Variants in PLCL2 observed in about 807,000 individuals in gnomAD.
The protein encoded by PLCL2 is phospholipase C like 2, also known as inactive phospholipase C-like protein 2.
A neutral mutation model predicts 79.6 loss-of-function variants in PLCL2; 4 were observed. That is an observed-to-expected ratio of 0.05 (90% CI 0.02 to 0.11). The LOEUF (loss-of-function observed/expected upper bound fraction) is 0.11, where lower values mean the gene tolerates loss of function less well. PLCL2 is among the 10% of genes least tolerant of loss of function. The probability of loss-of-function intolerance (pLI) is 1.00; values close to 1 mark genes in which losing one functional copy is unlikely to be tolerated. For missense variants in PLCL2, 895 were observed against 1,291.0 expected (o/e 0.69, Z 4.70); for synonymous variants, 484 against 457.7 (o/e 1.06, Z -0.73).
intron 1 of PLCL2, among the ~76,000 whole-genome samples, chr3:16,911,230 G>T (rs1289014560): frequency 2.8e-5 from 4 of 144,790 alleles, no homozygotes; most frequent in African/African-American, 7.8e-5. Flanking sequence ...TCCAGCCTGG[G>T]CCACAGAGCA....
At chr3:16,996,173 C>T (rs899963821) in intron 1 of PLCL2, among the ~76,000 whole-genome samples, 1 of 152,094 alleles carries the variant, frequency 6.6e-6, no homozygotes, top group African/African-American at 2.4e-5. Flanking sequence ...TAGAAAGAAG[C>T]AAAACACTGA....
At chr3:16,909,058 T>C (rs1696814946) in intron 1 of PLCL2, among the ~76,000 whole-genome samples, 1 of 152,210 alleles carries the variant, frequency 6.6e-6, no homozygotes, top group South Asian at 2.1e-4. Flanking sequence ...AGACCATGGT[T>C]ATCAGTGTGT....
At chr3:16,956,210 C>A (rs1340570337) in intron 1 of PLCL2, among the ~76,000 whole-genome samples, 2 of 152,114 alleles carry the variant, frequency 1.3e-5, no homozygotes, top group East Asian at 1.9e-4. Context: ...CCCATCAATA[C>A]CTAATTTATT....
intron 1 of PLCL2, among the ~76,000 whole-genome samples, chr3:16,966,774 A>G (rs1417171343): frequency 6.6e-6 from 1 of 151,846 alleles, no homozygotes; most frequent in African/African-American, 2.4e-5. Flanking sequence ...GAATTTATCC[A>G]TTTCTTCTAG....
intron 1 of PLCL2, among the ~76,000 whole-genome samples, chr3:16,913,686 T>A (rs1217588937): frequency 6.6e-6 from 1 of 152,122 alleles, no homozygotes; most frequent in Non-Finnish European, 1.5e-5. Context: ...TATGAATATA[T>A]AAATATATTT....
At chr3:16,981,141 G>C (rs1428827743) in intron 1 of PLCL2, among the ~76,000 whole-genome samples, 1 of 128,556 alleles carries the variant, frequency 7.8e-6, no homozygotes, top group East Asian at 2.3e-4. Flanking sequence ...AGAGGGAGAG[G>C]GAGACTCGGG....
intron 4 of PLCL2, among the ~76,000 whole-genome samples, chr3:17,053,728 A>G (rs1204452661): frequency 6.6e-6 from 1 of 152,150 alleles, no homozygotes; most frequent in Non-Finnish European, 1.5e-5. Context: ...CCGTTTCGAA[A>G]GGGAGAAATC....
intron 1 of PLCL2, among the ~76,000 whole-genome samples, chr3:17,002,457 G>A (rs928197944): frequency 6.6e-6 from 1 of 152,140 alleles, no homozygotes; most frequent in African/African-American, 2.4e-5. Context: ...TTAGAGGAAA[G>A]ACTTTGAATT....
intron 1 of PLCL2, among the ~76,000 whole-genome samples, chr3:16,953,321 T>A (rs1361799966): frequency 1.3e-5 from 2 of 152,176 alleles, no homozygotes; most frequent in East Asian, 3.8e-4. Context: ...TTTCACTTCA[T>A]GTATTTCTAT....
intron 3 of PLCL2, among the ~76,000 whole-genome samples, chr3:17,017,648 G>T (rs1447183751): frequency 6.6e-6 from 1 of 152,138 alleles, no homozygotes; most frequent in Admixed American, 6.6e-5. Flanking sequence ...CATGTATAAT[G>T]TATGGAGGCG....
rs544863881 is a variant in PLCL2, at chr3:16,912,112, T to G, written c.327+26746T>G. Among the ~76,000 whole-genome samples the G allele has an allele frequency of 1.6e-4, 24 of 152,294 alleles. No individual in the cohort carries two copies. The South Asian group carries it at 5.0e-3, about 32-fold the overall frequency. ...CATTCCAGAGAAGGGATACTTAATATGTAGTAGTATATGGATGCCTTGCCT... is the reference window on the plus strand; with the variant it reads ...CATTCCAGAGAAGGGATACTTAATAGGTAGTAGTATATGGATGCCTTGCCT... On this transcript the variant is annotated intron_variant, in intron 1 of 5. Transcript: ENST00000615277.
chr3:16,889,810 A>G (rs1391228068), intron 1 of PLCL2, among the ~76,000 whole-genome samples: 1 of 152,230 alleles, frequency 6.6e-6, no homozygotes, highest in Non-Finnish European at 1.5e-5. Context: ...CACAGGTAAC[A>G]AACACTCAGT....
chr3:17,078,282 A>G (rs1364813468), intron 5 of PLCL2, among the ~76,000 whole-genome samples: 1 of 152,058 alleles, frequency 6.6e-6, no homozygotes, highest in Non-Finnish European at 1.5e-5. Context: ...ATGACTTCTC[A>G]TTTCTCGTGA....
intron 5 of PLCL2, among the ~76,000 whole-genome samples, chr3:17,083,629 T>C (rs942833180): frequency 6.6e-6 from 1 of 152,246 alleles, no homozygotes; most frequent in South Asian, 2.1e-4. Flanking sequence ...AGAAAGATTA[T>C]GGTGGCTTAA....
At chr3:16,920,556 G>A (rs1039337038) in intron 1 of PLCL2, among the ~76,000 whole-genome samples, 4 of 152,110 alleles carry the variant, frequency 2.6e-5, no homozygotes, top group Admixed American at 2.0e-4. Context: ...GAGAGATAAC[G>A]AGAGCAAGTG....
rs997679499 is a variant in PLCL2, at chr3:17,059,494, A to G, written c.3095-8462A>G. Among the ~76,000 whole-genome samples, 6 of 143,174 alleles carry G rather than the reference A, an allele frequency of 4.2e-5. No individual in the cohort carries two copies. In the East Asian group the frequency reaches 1.0e-3, roughly 25 times the overall value. 93.9% of individuals were successfully genotyped at this position (143,174 alleles called of 152,430 possible). A position where few individuals can be genotyped will look rare whatever the true frequency, so the allele number is the denominator to read the frequency against. ...TGTATTTCTGTATATATGAGTGTAT[A>G]TGTGTGTATATATACACACATATAC... On this transcript the variant is annotated intron_variant, in intron 4 of 5. Transcript: ENST00000615277.
chr3:16,966,529 T>G (rs1355768945), intron 1 of PLCL2, among the ~76,000 whole-genome samples: 2 of 152,304 alleles, frequency 1.3e-5, no homozygotes, highest in South Asian at 4.1e-4. Flanking sequence ...GATGTTGGCC[T>G]CATAAAATGA....
chr3:16,916,911 G>A (rs1697009203), intron 1 of PLCL2, among the ~76,000 whole-genome samples: 1 of 152,168 alleles, frequency 6.6e-6, no homozygotes, highest in South Asian at 2.1e-4. Flanking sequence ...ACCTCAAAGG[G>A]TGGAGGAACA....
chr3:16,973,738 C>A (rs558870532), intron 1 of PLCL2, among the ~76,000 whole-genome samples: 2 of 152,064 alleles, frequency 1.3e-5, no homozygotes, highest in Non-Finnish European at 2.9e-5. Context: ...ATTCATTCAG[C>A]AAATTTTTAT....
Sources: gnomAD v4.1 joint callset for allele counts (sites outside exome capture counted in the v4.1 genomes callset) on GRCh38, gnomAD v4.1.1 for gene constraint, MANE v1.5 for transcripts, NCBI Gene and HGNC (gene_info 2026-07-23, HGNC 2026-07-21) for gene names.